Variants in TEX14 observed in about 807,000 individuals in gnomAD.
TEX14 encodes the protein testis expressed 14, intercellular bridge forming factor.
TEX14 carries 168 observed loss-of-function variants against 178.6 expected under a neutral mutation model. That is an observed-to-expected ratio of 0.94 (90% confidence interval 0.83 to 1.07). The LOEUF (loss-of-function observed/expected upper bound fraction) is 1.07, where lower values mean the gene tolerates loss of function less well. TEX14 is among the 50% of genes least tolerant of loss of function. The pLI is 0.00. For synonymous variants in TEX14, 626 were observed against 634.1 expected (o/e 0.99, Z 0.19); for missense variants, 1,730 against 1,753.6 (o/e 0.99, Z 0.24).
chr17:58,590,217 C>T (rs1396544342), intron 15 of TEX14, among the ~76,000 whole-genome samples: 2 of 147,366 alleles, frequency 1.4e-5, no homozygotes, highest in East Asian at 2.0e-4. Flanking sequence ...GCCGAGTTTG[C>T]GCCACTGCAC....
chr17:58,669,733 CAAAAAAA>C (rs71367615), intron 1 of TEX14, among the ~76,000 whole-genome samples: 1 of 56,298 alleles, frequency 1.8e-5, no homozygotes, highest in Non-Finnish European at 3.5e-5. Flanking sequence ...GACTCCGTCT[CAAAAAAA>C]AAAAAAAAAA....
chr17:58,670,771 TTAAAAAAAAAA>T (rs1256550803), intron 1 of TEX14, among the ~76,000 whole-genome samples: 8 of 7,956 alleles, frequency 1.0e-3, no homozygotes, highest in Non-Finnish European at 1.6e-3. Flanking sequence ...AGACTCCCTC[TTAAAAAAAAAA>T]AAAAAAAAAA....
intron 5 of TEX14, among the ~76,000 whole-genome samples, chr17:58,621,443 C>A (rs2045994598): frequency 6.6e-6 from 1 of 152,224 alleles, no homozygotes; most frequent in South Asian, 2.1e-4. Flanking sequence ...CTCACACCTT[C>A]TCAGGGAGAG....
intron 2 of TEX14, among the ~76,000 whole-genome samples, chr17:58,641,798 G>T (rs528506613): frequency 1.3e-5 from 2 of 152,256 alleles, no homozygotes; most frequent in African/African-American, 4.8e-5. Flanking sequence ...GTAAGCCACT[G>T]CGCCCAGCCA....
chr17:58,585,924 G>A lies in TEX14; in HGVS notation c.2947C>T (p.Arg983Ter), dbSNP rs1042684265. The change falls in exon 18 of 32, where the codon CGA (arginine) becomes TGA (stop). Residue 983 changes from arginine (R) to a stop codon, truncating the protein, a stop_gained. Transcript: ENST00000349033. LOFTEE classifies it high-confidence loss of function. ...IRSPENTDWQ[R>*]VIEYHRENDE... is the part of the protein sequence containing the mutation. ...TTTTCCCTATGATACTCAATAACTC[G>A]CTGCCAATCCGTGTTTTCTGGGCTC... 23 of 1,613,782 alleles carry A rather than the reference G, an allele frequency of 1.4e-5. No individual in the cohort carries two copies. The highest frequency in any genetic ancestry group is 4.4e-5 in the South Asian group (4 of 91,074).
In TEX14 at chr17:58,600,250, G is replaced by A. The variant is rs116642098; in HGVS notation, c.1679-584C>T. Among the ~76,000 whole-genome samples, 997 of 152,238 alleles carry A rather than the reference G, an allele frequency of 6.5e-3. 7 individuals are homozygous for A. Among genetic ancestry groups the A allele is most frequent in the African/African-American group, 0.022 (913 of 41,536 alleles). On this transcript the variant is annotated intron_variant, in intron 13 of 31. Coordinates refer to ENST00000349033, the MANE Select transcript of TEX14 (RefSeq NM_031272.5). Reference sequence around the variant, plus strand: ...TGATAACAGTAGCCTAGGGCCAGGCGTGGTGGTTCACGCCTGTAATCCCAA... The same window carrying A: ...TGATAACAGTAGCCTAGGGCCAGGCATGGTGGTTCACGCCTGTAATCCCAA...
intron 1 of TEX14, among the ~76,000 whole-genome samples, chr17:58,658,577 G>A (rs1042382606): frequency 1.3e-5 from 2 of 151,752 alleles, no homozygotes; most frequent in Non-Finnish European, 2.9e-5. Flanking sequence ...TTTTAGTAGA[G>A]ACAGGGTTTC....
intron 20 of TEX14, 144 bp from the exon 21 acceptor site, chr17:58,577,600 A>C: frequency 3.0e-6 from 1 of 336,016 alleles, no homozygotes; most frequent in East Asian, 5.5e-5. Context: ...TGCTGCCCTA[A>C]TTGGGTTTGG....
chr17:58,569,145 ATAAC>A lies in TEX14; in HGVS notation c.3886+43_3886+46del, dbSNP rs771055500. ...AAGACACCATACTGTGGTCAGTGAC[ATAAC>A]TAACAGGGCCGAGAAGTATATTCTG... On this transcript the variant is annotated intron_variant, in intron 26 of 31. Transcript: ENST00000349033. This position sits in a 1 kb window ranked among gnomAD's most constrained non-coding sequence, Gnocchi z 4.1. 13 of 1,488,298 alleles carry A rather than the reference ATAAC, an allele frequency of 8.7e-6. No individual in the cohort carries two copies. The South Asian group carries it at 1.1e-4, about 13-fold the overall frequency. 92.2% of individuals were successfully genotyped at this position (1,488,298 alleles called of 1,614,324 possible). A position where few individuals can be genotyped will look rare whatever the true frequency, so the allele number is the denominator to read the frequency against.
rs1449959378 is a variant in TEX14, at chr17:58,611,359, T to A, written c.1006-20A>T. 5.7e-6 allele frequency: 9 copies of A among 1,585,874 alleles called. No homozygotes were observed. Among genetic ancestry groups the A allele is most frequent in the South Asian group, 4.5e-5 (4 of 87,942 alleles). ...GGACCGCTGCAAGCAAGAGATGAAA[T>A]GCCACGAAAAAAAAAAGGACTGGGG... On this transcript the variant is annotated intron_variant, in intron 9 of 31. Coordinates refer to ENST00000349033, the MANE Select transcript of TEX14 (RefSeq NM_031272.5).
At chr17:58,647,157 C>T (rs903868341) in intron 2 of TEX14, among the ~76,000 whole-genome samples, 5 of 151,952 alleles carry the variant, frequency 3.3e-5, no homozygotes, top group Non-Finnish European at 5.9e-5. Context: ...ACCTCTGCCT[C>T]CCAAAGTGCT....
intron 19 of TEX14, among the ~76,000 whole-genome samples, chr17:58,583,973 C>T (rs568234528): frequency 5.3e-5 from 8 of 152,234 alleles, no homozygotes; most frequent in East Asian, 1.9e-4. Flanking sequence ...AGTCTGGCTG[C>T]GCTATGGCCT....
chr17:58,648,925 G>A (rs2046778501), intron 2 of TEX14, among the ~76,000 whole-genome samples: 1 of 150,588 alleles, frequency 6.6e-6, no homozygotes, highest in Non-Finnish European at 1.5e-5. Flanking sequence ...AAGTAGCTGG[G>A]ACTACAGGCA....
At chr17:58,557,086 C>T (rs778540031) in intron 31 of TEX14, 39 bp from the exon 32 acceptor site, 5 of 1,565,154 alleles carry the variant, frequency 3.2e-6, no homozygotes, top group Admixed American at 1.7e-5. Context: ...AAGGAAGTTT[C>T]GAGTTGGTAT....
In TEX14 at chr17:58,599,052, G is replaced by A. The variant is rs756563740; in HGVS notation, c.2293C>T (p.Gln765Ter). 1.9e-6 allele frequency: 3 copies of A among 1,614,116 alleles called. No homozygotes were observed. Among genetic ancestry groups the A allele is most frequent in the Non-Finnish European group, 2.5e-6 (3 of 1,180,016 alleles). ...LDEVEMKQKEQEERMSLWATS... is the reference protein window; with the variant it reads ...LDEVEMKQKE ...GCCCATAAAGACATGCGCTCTTCCT[G>A]TTCCTTCTGTTTCATCTCGACTTCA... The change falls in exon 14 of 32, where the codon CAG (glutamine) becomes TAG (stop). Residue 765 changes from glutamine to a stop codon, truncating the protein, a stop_gained. Coordinates refer to ENST00000349033, the MANE Select transcript of TEX14 (RefSeq NM_031272.5). LOFTEE classifies it high-confidence loss of function.
At chr17:58,571,842 G>T in intron 24 of TEX14, 79 bp downstream of exon 24, 1 of 1,246,844 alleles carries the variant, frequency 8.0e-7, no homozygotes, top group Non-Finnish European at 1.2e-6. Context: ...TAATGAATTT[G>T]GAGAAATCTT....
rs534257126 is a variant in TEX14 at position 58,629,767 on chromosome 17, A to G, written c.251+673T>C. On this transcript the variant is annotated intron_variant, in intron 3 of 31. Transcript: ENST00000349033. ...GGAGAATGGCGTGAACTCGGGAGGC[A>G]GAGCTTGCAGTGAGCCGAGATCGCA... Among the ~76,000 whole-genome samples the G allele has an allele frequency of 6.4e-3, 966 of 151,460 alleles. 4 individuals are homozygous for G. Among genetic ancestry groups the G allele is most frequent in the Non-Finnish European group, 9.3e-3 (632 of 67,852 alleles).
At chr17:58,619,524 G>T (rs755921332) in intron 5 of TEX14, among the ~76,000 whole-genome samples, 2 of 152,074 alleles carry the variant, frequency 1.3e-5, no homozygotes, top group African/African-American at 2.4e-5. Flanking sequence ...TAAGAGGAGG[G>T]GGGGCGGGCA....
intron 25 of TEX14, among the ~76,000 whole-genome samples, chr17:58,570,122 C>T (rs2044486355): frequency 6.6e-6 from 1 of 151,056 alleles, no homozygotes. Flanking sequence ...TCTCACTATG[C>T]TAAAACATAT....
Sources: allele counts gnomAD v4.1 joint callset (sites outside exome capture counted in the v4.1 genomes callset), GRCh38; gene constraint gnomAD v4.1.1; non-coding constraint Gnocchi (gnomAD v3.1); transcripts MANE v1.5; gene names NCBI Gene and HGNC (gene_info 2026-07-23, HGNC 2026-07-21).